Variants in INTS4 observed in about 807,000 individuals in gnomAD.
The protein encoded by INTS4 is integrator complex subunit 4.
INTS4 carries 70 observed loss-of-function variants against 119.5 expected under a neutral mutation model. The ratio of observed to expected loss-of-function variants is 0.59; its 90% CI spans 0.48 to 0.71. The LOEUF is 0.71. Ranked by LOEUF, INTS4 falls within the 30% of genes least tolerant of loss-of-function variation. The pLI is 0.00. For missense variants in INTS4, 867 were observed against 1,173.2 expected (o/e 0.74, Z 3.81); for synonymous variants, 316 against 419.6 (o/e 0.75, Z 3.02).
intron 8 of INTS4, among the ~76,000 whole-genome samples, chr11:77,949,629 C>G (rs1262884971): frequency 6.6e-6 from 1 of 151,960 alleles, no homozygotes; most frequent in Non-Finnish European, 1.5e-5. Flanking sequence ...CTCATCATCA[C>G]TGGTCATTAG....
chr11:77,889,146 C>A (rs988909306), intron 21 of INTS4, among the ~76,000 whole-genome samples: 6 of 152,138 alleles, frequency 3.9e-5, no homozygotes, highest in African/African-American at 1.4e-4. Context: ...TGCGGCACCA[C>A]TCACAATAGC....
intron 19 of INTS4, among the ~76,000 whole-genome samples, chr11:77,892,121 T>C (rs1473837216): frequency 6.6e-6 from 1 of 152,224 alleles, no homozygotes; most frequent in Non-Finnish European, 1.5e-5. Flanking sequence ...CATTAGAATT[T>C]TTATTTTCGT....
chr11:77,959,565 C>T (rs1591109743), intron 6 of INTS4, among the ~76,000 whole-genome samples: 1 of 152,024 alleles, frequency 6.6e-6, no homozygotes, highest in South Asian at 2.1e-4. Flanking sequence ...TGAGTCCTTA[C>T]GATCCAAGTT....
At chr11:77,968,310 T>C (rs1855578162) in intron 4 of INTS4, among the ~76,000 whole-genome samples, 1 of 152,180 alleles carries the variant, frequency 6.6e-6, no homozygotes, top group South Asian at 2.1e-4. Flanking sequence ...ATTATTCAGC[T>C]GTAAAAAGGA....
chr11:77,945,222 C>T (rs1172049883), intron 8 of INTS4, among the ~76,000 whole-genome samples: 2 of 152,228 alleles, frequency 1.3e-5, no homozygotes, highest in Non-Finnish European at 2.9e-5. Context: ...GTGGTCCCCA[C>T]TGCTGCCACA....
intron 4 of INTS4, among the ~76,000 whole-genome samples, chr11:77,965,017 A>G (rs1855438469): frequency 6.6e-6 from 1 of 152,216 alleles, no homozygotes; most frequent in African/African-American, 2.4e-5. Context: ...ATTAACATAT[A>G]TCCATCACCT....
At position 77,960,932 on chromosome 11, in the gene INTS4, AG is replaced by A; in HGVS notation, c.657+20del. 1 of 1,584,800 alleles carries A rather than the reference AG, an allele frequency of 6.3e-7. No individual in the cohort carries two copies. Among genetic ancestry groups the A allele is most frequent in the Non-Finnish European group, 8.6e-7 (1 of 1,165,558 alleles). ...ACAAAAATGAACACTAGCCCCAACT[AG>A]TTTCCATAATCACATTTACCATGGC... On this transcript the variant is annotated intron_variant, in intron 5 of 22. Transcript: ENST00000534064.
intron 17 of INTS4, among the ~76,000 whole-genome samples, 190 bp from the exon 18 acceptor site, chr11:77,901,741 A>T (rs1303625652): frequency 1.3e-5 from 2 of 151,984 alleles, no homozygotes; most frequent in Non-Finnish European, 2.9e-5. Context: ...TTGCCTACTT[A>T]AAAAGAAGAC....
chr11:77,946,980 TG>T (rs1954063459), intron 8 of INTS4, among the ~76,000 whole-genome samples: 1 of 149,550 alleles, frequency 6.7e-6, no homozygotes, highest in Non-Finnish European at 1.5e-5. Flanking sequence ...ACAGAAATCT[TG>T]GAACTGAAGA....
intron 8 of INTS4, among the ~76,000 whole-genome samples, chr11:77,954,188 AC>A (rs1954263450): frequency 6.6e-6 from 1 of 152,168 alleles, no homozygotes; most frequent in Non-Finnish European, 1.5e-5. Context: ...TCAGGATCTG[AC>A]CTCACTCTAC....
chr11:77,925,813 A>G (rs978866902), intron 11 of INTS4, among the ~76,000 whole-genome samples: 20 of 152,216 alleles, frequency 1.3e-4, no homozygotes, highest in African/African-American at 4.6e-4. Context: ...TGCAAACACA[A>G]CAAAGCTCAC....
At chr11:77,985,173 T>C (rs1249380660) in intron 2 of INTS4, among the ~76,000 whole-genome samples, 1 of 152,218 alleles carries the variant, frequency 6.6e-6, no homozygotes, top group African/African-American at 2.4e-5. Flanking sequence ...TACAGTCTTC[T>C]AATTGGTCAC....
At chr11:77,972,618 T>G (rs1425664725) in intron 4 of INTS4, among the ~76,000 whole-genome samples, 1 of 151,954 alleles carries the variant, frequency 6.6e-6, no homozygotes, top group Non-Finnish European at 1.5e-5. Context: ...GGTTTCACCA[T>G]GTTGGCCAGG....
chr11:77,903,093 G>C (rs1952827107), intron 17 of INTS4, among the ~76,000 whole-genome samples: 1 of 152,118 alleles, frequency 6.6e-6, no homozygotes, highest in African/African-American at 2.4e-5. Context: ...TTATAGAAGA[G>C]AAAAAATCCA....
intron 9 of INTS4, among the ~76,000 whole-genome samples, chr11:77,940,158 A>G (rs1009283129): frequency 1.3e-5 from 2 of 152,114 alleles, no homozygotes; most frequent in East Asian, 1.9e-4. Flanking sequence ...GCCGGGCACA[A>G]TGGCTCACAT....
At chr11:77,963,351 T>C (rs1451534157) in intron 4 of INTS4, 1 of 114,332 alleles carries the variant, frequency 8.7e-6, no homozygotes, top group Non-Finnish European at 1.5e-5. Flanking sequence ...AGACTCCGTC[T>C]CAAAAAAAAA....
At chr11:77,893,888 G>A (rs1952388256) in intron 19 of INTS4, among the ~76,000 whole-genome samples, 1 of 23,602 alleles carries the variant, frequency 4.2e-5, no homozygotes, top group Non-Finnish European at 8.6e-5. Context: ...GCAAGACTCT[G>A]TCTTAAATAA....
intron 5 of INTS4, among the ~76,000 whole-genome samples, 167 bp from the exon 6 acceptor site, chr11:77,960,558 C>T (rs913586414): frequency 6.6e-6 from 1 of 151,978 alleles, no homozygotes; most frequent in Non-Finnish European, 1.5e-5. Context: ...TCAATAGGAG[C>T]ATTCAAGCAT....
rs1192993243 is a variant in INTS4, at chr11:77,921,332, C to T, written c.1764+8G>A. 6.2e-7 allele frequency: 1 copy of T among 1,611,846 alleles called. No individual in the cohort carries two copies. The highest frequency in any genetic ancestry group is 1.1e-5 in the South Asian group (1 of 90,870). On this transcript the variant is annotated splice_region_variant and intron_variant, in intron 14 of 22. Coordinates refer to ENST00000534064, the MANE Select transcript of INTS4 (RefSeq NM_033547.4). ...TAAAAACAAGGACAACAGATGTTTT[C>T]AACATACCCTCAAGGCAGGAACAAG...
Sources: gnomAD v4.1 joint callset for allele counts (sites outside exome capture counted in the v4.1 genomes callset) on GRCh38, gnomAD v4.1.1 for gene constraint, MANE v1.5 for transcripts, NCBI Gene and HGNC (gene_info 2026-07-23, HGNC 2026-07-21) for gene names.